TXLNG: variants seen among roughly 807,000 people sequenced by gnomAD.
The protein encoded by TXLNG is gamma-taxilin.
TXLNG carries 5 observed loss-of-function variants against 38.8 expected under a neutral mutation model. The observed-to-expected ratio is 0.13, with a 90% CI of 0.07 to 0.27. TXLNG has a LOEUF of 0.27. TXLNG is among the 10% of genes least tolerant of loss of function. The pLI is 1.00. For missense variants in TXLNG, 393 were observed against 398.2 expected, an observed-to-expected ratio of 0.99 and a Z score of 0.11; for synonymous variants, 182 against 158.2, an observed-to-expected ratio of 1.15 and a Z score of -1.13.
intron 1 of TXLNG, among the ~76,000 whole-genome samples, chrX:16,798,595 T>C (rs1382238447): frequency 1.8e-5 from 2 of 109,659 alleles, no homozygotes; most frequent in Non-Finnish European, 3.8e-5. Flanking sequence ...TTTTTTTTTT[T>C]TTTCCTTAGA....
chrX:16,827,442 G>A (rs745784870), intron 3 of TXLNG, among the ~76,000 whole-genome samples: 3 of 111,430 alleles, frequency 2.7e-5, no homozygotes, highest in African/African-American at 9.8e-5. Context: ...AAAGGGTTAA[G>A]GCTGGAATAC....
intron 1 of TXLNG, among the ~76,000 whole-genome samples, chrX:16,787,767 C>G (rs1569258732): frequency 9.0e-6 from 1 of 111,571 alleles, no homozygotes; most frequent in Non-Finnish European, 1.9e-5. Context: ...GCTTGATCAC[C>G]GAGGGCTATT....
chrX:16,841,062 G>A (rs978968730), intron 9 of TXLNG, among the ~76,000 whole-genome samples: 1 of 109,896 alleles, frequency 9.1e-6, no homozygotes, highest in Non-Finnish European at 1.9e-5. Flanking sequence ...GGGCGTGGTG[G>A]GGCGCGCCTG....
chrX:16,813,866 C>G (rs1369253052), intron 1 of TXLNG, among the ~76,000 whole-genome samples: 1 of 111,349 alleles, frequency 9.0e-6, no homozygotes, highest in African/African-American at 3.3e-5. Context: ...GTGGTCGGAT[C>G]ATAAGGTCAG....
chrX:16,837,771 C>T (rs1051954174), intron 8 of TXLNG, 86 bp downstream of exon 8: 10 of 718,566 alleles, frequency 1.4e-5, no homozygotes, highest in Middle Eastern at 6.4e-4. Flanking sequence ...GCTGAGTTTC[C>T]TTTGTTATGA....
chrX:16,818,666 A>G lies in TXLNG; in HGVS notation c.195A>G (p.Gln65=), dbSNP rs765878048. 3.3e-6 allele frequency: 4 copies of G among 1,212,111 alleles called. No individual in the cohort carries two copies. The highest frequency in any genetic ancestry group is 1.8e-5 in the South Asian group (1 of 57,033). ...ACTCTCAATCAAATGATATTCTTCA[A>G]CATCAAGGCTCAAATTGTGGTGGCA... ...LCNSQSNDIL[Q]HQGSNCGGTS... is the part of the protein sequence containing the mutation. Residue 65 remains glutamine (Q), a synonymous_variant, in exon 2 of 10, where the codon CAA becomes CAG. Coordinates refer to ENST00000380122, the MANE Select transcript of TXLNG (RefSeq NM_018360.3).
intron 5 of TXLNG, among the ~76,000 whole-genome samples, chrX:16,830,712 ATTTTATTT>A (rs1195959885): frequency 9.5e-6 from 1 of 105,446 alleles, no homozygotes; most frequent in Non-Finnish European, 1.9e-5. Context: ...TTTTTTAAAG[ATTTTATTT>A]TTCTTACTGC....
chrX:16,787,346 C>T (rs1263574751), intron 1 of TXLNG, among the ~76,000 whole-genome samples: 1 of 110,518 alleles, frequency 9.0e-6, no homozygotes, highest in Non-Finnish European at 1.9e-5. Flanking sequence ...GCTGGTCCTC[C>T]CAGTCCTATT....
chrX:16,834,592 G>A (rs141486322), intron 7 of TXLNG, among the ~76,000 whole-genome samples: 2 of 111,195 alleles, frequency 1.8e-5, no homozygotes, highest in East Asian at 5.7e-4. Context: ...AAAGTCTCGT[G>A]TCCCAGGAAA....
Position 16,832,728 on chromosome X carries a change from A to G in TXLNG, c.970A>G (p.Arg324Gly). ...AAAAGAAGCTGATGAAAAACATCAG[A>G]GAGAGAGAGAGTTTGTAAGTTCTAC... is the stretch of plus-strand genomic sequence containing the variant. ...LIKEADEKHQ[R>G]EREFLLKEAT... The change falls in exon 6 of 10, where the codon AGA becomes GGA. Residue 324 changes from arginine to glycine, a missense_variant. Coordinates refer to ENST00000380122, the MANE Select transcript of TXLNG (RefSeq NM_018360.3). 1.7e-6 allele frequency: 2 copies of G among 1,194,767 alleles called. No homozygotes were observed. Among genetic ancestry groups the G allele is most frequent in the Non-Finnish European group, 2.3e-6 (2 of 888,696 alleles).
At chrX:16,802,792 C>G (rs187720315) in intron 1 of TXLNG, among the ~76,000 whole-genome samples, 1 of 107,146 alleles carries the variant, frequency 9.3e-6, no homozygotes, top group Non-Finnish European at 1.9e-5. Flanking sequence ...GTTTTCTGCT[C>G]GGAGAAGGCC....
At chrX:16,795,962 G>A (rs762266628) in intron 1 of TXLNG, among the ~76,000 whole-genome samples, 3 of 108,720 alleles carry the variant, frequency 2.8e-5, no homozygotes, top group South Asian at 8.1e-4. Flanking sequence ...ACAGGTATGC[G>A]CCACCGTGCC....
At chrX:16,806,615 C>G (rs368305715) in intron 1 of TXLNG, among the ~76,000 whole-genome samples, 1 of 110,618 alleles carries the variant, frequency 9.0e-6, no homozygotes, top group Non-Finnish European at 1.9e-5. Context: ...AACCCCGTCT[C>G]TACTAAAAAA....
chrX:16,808,656 A>G (rs1198332618), intron 1 of TXLNG, among the ~76,000 whole-genome samples: 3 of 111,640 alleles, frequency 2.7e-5, no homozygotes, highest in African/African-American at 9.8e-5. Flanking sequence ...TATGTGCTAC[A>G]GGGTATTTTG....
rs1928821621 is a variant in TXLNG, at chrX:16,818,502, A to G, written c.103-72A>G. The G allele has an allele frequency of 2.7e-6, 3 of 1,104,227 alleles. No individual in the cohort carries two copies. The Admixed American group carries it at 7.9e-5, about 29-fold the overall frequency. 91.0% of individuals were successfully genotyped at this position (1,104,227 alleles called of 1,213,427 possible). On this transcript the variant is annotated intron_variant, in intron 1 of 9. Coordinates refer to ENST00000380122, the MANE Select transcript of TXLNG (RefSeq NM_018360.3). ...AAAAACTATCAGGCTATGATGTTCC[A>G]TTGCTTGTAAACATTGATTACATTA...
chrX:16,821,297 C>T (rs919949462), intron 3 of TXLNG, among the ~76,000 whole-genome samples: 1 of 108,970 alleles, frequency 9.2e-6, no homozygotes, highest in Non-Finnish European at 1.9e-5. Flanking sequence ...CGTGCCACCA[C>T]GCCTGGCTAA....
intron 1 of TXLNG, among the ~76,000 whole-genome samples, chrX:16,801,769 G>C (rs1384841764): frequency 9.1e-6 from 1 of 110,407 alleles, no homozygotes; most frequent in Non-Finnish European, 1.9e-5. Context: ...TTCTCCTGAA[G>C]CCCATGTCTT....
intron 9 of TXLNG, chrX:16,840,356 T>C: frequency 1.8e-6 from 1 of 564,407 alleles, no homozygotes. Flanking sequence ...GTGATGCTGA[T>C]GCAGCATGTA....
chrX:16,832,582 T>A (rs765185455), intron 5 of TXLNG, 41 bp from the exon 6 acceptor site: 2 of 1,209,642 alleles, frequency 1.7e-6, no homozygotes, highest in Non-Finnish European at 2.2e-6. Flanking sequence ...CTGTGTTCCT[T>A]TCTTTGGTGA....
Sources: gnomAD v4.1 joint callset for allele counts (sites outside exome capture counted in the v4.1 genomes callset) on GRCh38, gnomAD v4.1.1 for gene constraint, MANE v1.5 for transcripts, NCBI Gene and HGNC (gene_info 2026-07-23, HGNC 2026-07-21) for gene names.